Variants in TTLL13 observed in about 807,000 individuals in gnomAD.
TTLL13 encodes the protein tubulin tyrosine ligase like 13, also known as tubulin polyglutamylase TTLL13.
At chr15:90,257,087 G>A in the TTLL13 span, 11 of 1,562,070 alleles carry the variant, frequency 7.0e-6, no homozygotes, top group Non-Finnish European at 8.7e-6. Flanking sequence ...ACAGCACATA[G>A]TAGGCACTTC....
chr15:90,264,163 T>C, the TTLL13 span: 1 of 702,628 alleles, frequency 1.4e-6, no homozygotes. Context: ...TCCACCAGTG[T>C]AAGAATGGGG....
At chr15:90,255,890 G>GT in the TTLL13 span, 1 of 1,614,216 alleles carries the variant, frequency 6.2e-7, no homozygotes, top group Non-Finnish European at 8.5e-7. Flanking sequence ...CGCAGAGTGA[G>GT]TGGGTCTGGC....
At chr15:90,258,092 G>A in the TTLL13 span, 3 of 1,614,218 alleles carry the variant, frequency 1.9e-6, no homozygotes, top group Non-Finnish European at 2.5e-6. Context: ...ACCCTGGAGA[G>A]CTGTGGGGGG....
At chr15:90,259,115 C>A in the TTLL13 span, 24 of 1,349,564 alleles carry the variant, frequency 1.8e-5, no homozygotes, top group South Asian at 3.0e-4. Flanking sequence ...GTAATCCCAG[C>A]ACTTTGGGAG....
the TTLL13 span, chr15:90,255,797 G>C: frequency 9.3e-6 from 15 of 1,614,066 alleles, no homozygotes; most frequent in East Asian, 3.3e-4. Context: ...CTGCCGCAAA[G>C]ATCTGCTGGC....
chr15:90,264,731 A>T, the TTLL13 span: 4 of 1,536,058 alleles, frequency 2.6e-6, no homozygotes, highest in South Asian at 3.6e-5. Flanking sequence ...AGGACAAGCC[A>T]GCAGAAGGCT....
At chr15:90,259,685 C>T in the TTLL13 span, among the ~76,000 whole-genome samples, 1 of 152,182 alleles carries the variant, frequency 6.6e-6, no homozygotes, top group Non-Finnish European at 1.5e-5. Context: ...GTTTGATTAG[C>T]TGGTTTGTTT....
the TTLL13 span, among the ~76,000 whole-genome samples, chr15:90,261,520 C>A: frequency 6.6e-6 from 1 of 151,754 alleles, no homozygotes; most frequent in African/African-American, 2.4e-5. Flanking sequence ...AGGCCGAGTA[C>A]GGTGGCTCAC....
At chr15:90,263,975 C>T in the TTLL13 span, 39 of 1,535,822 alleles carry the variant, frequency 2.5e-5, no homozygotes, top group South Asian at 3.1e-4. Flanking sequence ...ACAGGAGAGC[C>T]GGCAGCCATC....
At chr15:90,258,010 G>A in the TTLL13 span, 4 of 1,605,356 alleles carry the variant, frequency 2.5e-6, no homozygotes, top group Non-Finnish European at 2.6e-6. Flanking sequence ...CTAGAAACTG[G>A]CCTTCCTCTG....
At chr15:90,253,428 C>G in the TTLL13 span, 5 of 1,311,170 alleles carry the variant, frequency 3.8e-6, no homozygotes, top group Non-Finnish European at 5.3e-6. Flanking sequence ...CTATTCCCAC[C>G]TCCTTGCCCA....
At chr15:90,256,589 CTTTCT>C in the TTLL13 span, among the ~76,000 whole-genome samples, 5 of 34,904 alleles carry the variant, frequency 1.4e-4, no homozygotes, top group Admixed American at 1.2e-3. Context: ...TTCTTTCTTT[CTTTCT>C]TTCTTTCTTT....
the TTLL13 span, among the ~76,000 whole-genome samples, chr15:90,253,063 G>A: frequency 6.6e-6 from 1 of 152,076 alleles, no homozygotes; most frequent in Non-Finnish European, 1.5e-5. Context: ...ATTTTGGAAG[G>A]GCCCTGACAG....
the TTLL13 span, among the ~76,000 whole-genome samples, chr15:90,250,321 CA>C: frequency 6.6e-6 from 1 of 152,156 alleles, no homozygotes; most frequent in African/African-American, 2.4e-5. Flanking sequence ...GGTCATGGCC[CA>C]TACCATCTGT....
the TTLL13 span, chr15:90,258,287 G>C: frequency 1.2e-6 from 2 of 1,613,066 alleles, no homozygotes; most frequent in Non-Finnish European, 1.7e-6. Context: ...TTATCTCCTA[G>C]GCTTTGCAAA....
chr15:90,262,146 T>G, the TTLL13 span: 2 of 1,535,704 alleles, frequency 1.3e-6, no homozygotes, highest in South Asian at 2.4e-5. Context: ...AATGGCTCCC[T>G]CTTCCAAGAG....
At chr15:90,258,850 A>T in the TTLL13 span, 1 of 1,614,176 alleles carries the variant, frequency 6.2e-7, no homozygotes, top group Non-Finnish European at 8.5e-7. Flanking sequence ...GCTGTGACAA[A>T]AGGAAGGTGA....
the TTLL13 span, chr15:90,263,928 TC>T: frequency 1.3e-6 from 2 of 1,490,372 alleles, no homozygotes; most frequent in Non-Finnish European, 1.8e-6. Context: ...TCCCACATGT[TC>T]CCCGGTACCA....
the TTLL13 span, chr15:90,262,437 C>A: frequency 2.1e-6 from 3 of 1,428,976 alleles, no homozygotes; most frequent in Non-Finnish European, 2.7e-6. Context: ...TTTTCCTCAC[C>A]CCTCTTCTCC....
Sources: allele counts gnomAD v4.1 joint callset (sites outside exome capture counted in the v4.1 genomes callset), GRCh38; gene constraint gnomAD v4.1.1; transcripts MANE v1.5; gene names NCBI Gene and HGNC (gene_info 2026-07-23, HGNC 2026-07-21).